UPF2: variants seen among roughly 807,000 people sequenced by gnomAD.
UPF2 encodes the protein UPF2 regulator of nonsense mediated mRNA decay.
A neutral mutation model predicts 141.4 loss-of-function variants in UPF2; 17 were observed. That is an observed-to-expected ratio of 0.12 (90% confidence interval 0.08 to 0.18). UPF2 has a LOEUF of 0.18. Ranked by LOEUF, UPF2 falls within the 10% of genes least tolerant of loss-of-function variation. UPF2 has a pLI of 1.00. For missense variants in UPF2, 1,152 were observed against 1,515.9 expected (o/e 0.76, Z 3.99); for synonymous variants, 540 against 498.0 (o/e 1.08, Z -1.12).
intron 14 of UPF2, 128 bp downstream of exon 14, chr10:11,955,101 TGAA>T: frequency 6.8e-6 from 6 of 882,754 alleles, no homozygotes; most frequent in Middle Eastern, 3.9e-4. Flanking sequence ...CATTCTTATA[TGAA>T]GAATATAATC....
At chr10:11,971,094 T>C (rs888057100) in intron 9 of UPF2, among the ~76,000 whole-genome samples, 25 of 152,100 alleles carry the variant, frequency 1.6e-4, no homozygotes, top group Admixed American at 1.0e-3. Context: ...TTAGATCTAA[T>C]AAAAAAGATA....
intron 15 of UPF2, among the ~76,000 whole-genome samples, chr10:11,950,205 A>T (rs568069718): frequency 6.6e-6 from 1 of 152,332 alleles, no homozygotes; most frequent in African/African-American, 2.4e-5. Flanking sequence ...AGTTATTTTT[A>T]AAATATGATA....
chr10:11,967,538 T>G, intron 9 of UPF2, 84 bp from the exon 10 acceptor site: 1 of 588,090 alleles, frequency 1.7e-6, no homozygotes, highest in Non-Finnish European at 2.7e-6. Flanking sequence ...GCATTCGAAT[T>G]CACTCCAGTT....
At chr10:12,009,033 A>G (rs1564364849) in intron 4 of UPF2, among the ~76,000 whole-genome samples, 1 of 151,872 alleles carries the variant, frequency 6.6e-6, no homozygotes, top group African/African-American at 2.4e-5. Flanking sequence ...ACTCTTTTTT[A>G]TGGCTGCATA....
rs1833900473 is a variant in UPF2, at chr10:11,998,561, A to C, written c.1759-804T>G. Among the ~76,000 whole-genome samples the C allele has an allele frequency of 6.6e-6, 1 of 152,072 alleles. No homozygotes were observed. Among genetic ancestry groups the C allele is most frequent in the Non-Finnish European group, 1.5e-5 (1 of 67,994 alleles). On this transcript the variant is annotated intron_variant, in intron 7 of 21. Coordinates refer to ENST00000357604, the MANE Select transcript of UPF2 (RefSeq NM_015542.4). The surrounding 1 kb of genome is among the most constrained non-coding windows in gnomAD (Gnocchi z 4.5). Reference sequence around the variant, plus strand: ...TAGTTAAGGTTGAAACATAATAAAAATCGCTCCTTGGATGGGCACGGTGGC... The same window carrying C: ...TAGTTAAGGTTGAAACATAATAAAACTCGCTCCTTGGATGGGCACGGTGGC...
Position 11,979,092 on chromosome 10 carries a change from G to C in UPF2, c.1918C>G (p.Leu640Val). 6.2e-7 allele frequency: 1 copy of C among 1,613,204 alleles called. No individual in the cohort carries two copies. The highest frequency in any genetic ancestry group is 8.5e-7 in the Non-Finnish European group (1 of 1,179,486). ...AAATCCCCCCTCAGCATGGAACAAA[G>C]ATCCTCTGCTACATCAGACATGCAG... is the stretch of plus-strand genomic sequence containing the variant. Reference protein sequence around the residue: ...HPCMSDVAEDLCSMLRGDFRF... With the variant: ...HPCMSDVAEDVCSMLRGDFRF... The change falls in exon 9 of 22, where the codon CTT (leucine) becomes GTT (valine). Residue 640 changes from leucine (L) to valine (V), a missense_variant. By Grantham distance (32) the Leu-to-Val change is conservative. Around this residue, in one of 4 missense-constraint regions of UPF2, gnomAD observed 739 missense variants for 1,032.2 expected, o/e 0.72. Coordinates refer to ENST00000357604, the MANE Select transcript of UPF2 (RefSeq NM_015542.4). The surrounding 1 kb of genome is among the most constrained non-coding windows in gnomAD (Gnocchi z 6.2).
At chr10:12,001,071 T>C in intron 6 of UPF2, among the ~76,000 whole-genome samples, 1 of 152,224 alleles carries the variant, frequency 6.6e-6, no homozygotes, top group Non-Finnish European at 1.5e-5. Flanking sequence ...CTCAGAAAAG[T>C]GTAAGTATCT....
chr10:11,955,519 C>A lies in UPF2; in HGVS notation c.2575-12G>T. ...TTAGGTTGATTAACCTAAAAGGCAACAAAACCACAGATTTTCATTAAAGAG... is the reference window on the plus strand; with the variant it reads ...TTAGGTTGATTAACCTAAAAGGCAAAAAAACCACAGATTTTCATTAAAGAG... On this transcript the variant is annotated splice_polypyrimidine_tract_variant and intron_variant, in intron 13 of 21. Transcript: ENST00000357604. 6.3e-7 allele frequency: 1 copy of A among 1,596,130 alleles called. No individual in the cohort carries two copies. The highest frequency in any genetic ancestry group is 1.3e-5 in the African/African-American group (1 of 74,086).
intron 11 of UPF2, among the ~76,000 whole-genome samples, chr10:11,960,319 A>G (rs970381579): frequency 6.6e-6 from 1 of 152,122 alleles, no homozygotes; most frequent in Non-Finnish European, 1.5e-5. Flanking sequence ...AGCTGAGGTG[A>G]GAGAGTCCCT....
intron 3 of UPF2, among the ~76,000 whole-genome samples, chr10:12,022,256 C>T (rs1223675404): frequency 6.6e-6 from 1 of 150,780 alleles, no homozygotes; most frequent in African/African-American, 2.4e-5. Flanking sequence ...TTCTAAAACA[C>T]AAAAAATTAG....
At chr10:12,003,054 GCTACCT>G (rs1310486978) in intron 5 of UPF2, among the ~76,000 whole-genome samples, 5 of 152,076 alleles carry the variant, frequency 3.3e-5, no homozygotes, top group Non-Finnish European at 5.9e-5. Flanking sequence ...AATCAGTTTT[GCTACCT>G]CTAGATGAAA....
intron 9 of UPF2, among the ~76,000 whole-genome samples, chr10:11,971,316 G>A (rs960660364): frequency 2.0e-5 from 3 of 149,936 alleles, no homozygotes; most frequent in Non-Finnish European, 2.9e-5. Flanking sequence ...GTGCAACGGC[G>A]CAATCTCGGC....
chr10:11,986,902 C>CAGA (rs1184513910), intron 8 of UPF2, among the ~76,000 whole-genome samples: 5 of 152,198 alleles, frequency 3.3e-5, no homozygotes, highest in Admixed American at 6.5e-5. Flanking sequence ...AGCAAACTCT[C>CAGA]CTAAAAGCTA....
chr10:11,944,122 G>A (rs1009863574), intron 16 of UPF2, among the ~76,000 whole-genome samples: 3 of 152,028 alleles, frequency 2.0e-5, no homozygotes, highest in African/African-American at 7.2e-5. Flanking sequence ...TATCTTTAGT[G>A]TATGTAGCAA....
chr10:12,029,819 G>A (rs10795921), intron 2 of UPF2, among the ~76,000 whole-genome samples: 32,869 of 151,782 alleles, frequency 0.22, 3,871 homozygotes, highest in East Asian at 0.46. Flanking sequence ...AAAATTAGCT[G>A]GGCGTGATGG....
intron 4 of UPF2, among the ~76,000 whole-genome samples, chr10:12,008,629 C>CAAAAAAAAAAAA: frequency 1.3e-5 from 1 of 74,974 alleles, no homozygotes; most frequent in Non-Finnish European, 2.5e-5. Flanking sequence ...GACACCACCT[C>CAAAAAAAAAAAA]AAAAAAAAAA....
At chr10:11,929,292 TGC>T (rs1832753017) in intron 21 of UPF2, among the ~76,000 whole-genome samples, 5 of 152,220 alleles carry the variant, frequency 3.3e-5, no homozygotes, top group African/African-American at 9.6e-5. Context: ...GTCTCTCTCT[TGC>T]TCATCTATAA....
At chr10:11,924,604 A>G (rs1296538238) in intron 21 of UPF2, among the ~76,000 whole-genome samples, 25 of 151,408 alleles carry the variant, frequency 1.7e-4, no homozygotes, top group Non-Finnish European at 7.4e-5. Flanking sequence ...TTTTTAAACT[A>G]CTTTTTTTTT....
intron 1 of UPF2, among the ~76,000 whole-genome samples, chr10:12,040,871 T>C (rs1378327853): frequency 1.3e-5 from 2 of 152,236 alleles, no homozygotes; most frequent in African/African-American, 4.8e-5. Flanking sequence ...CAAAGAACAC[T>C]GAGAAGTTCA....
Sources: gnomAD v4.1 joint callset for allele counts (sites outside exome capture counted in the v4.1 genomes callset) on GRCh38, gnomAD v4.1.1 for gene constraint, gnomAD v4.1.1 regional missense constraint, Gnocchi (gnomAD v3.1) non-coding constraint, MANE v1.5 for transcripts, NCBI Gene and HGNC (gene_info 2026-07-23, HGNC 2026-07-21) for gene names.